CNTN4: variants seen among roughly 807,000 people sequenced by gnomAD.
CNTN4 encodes contactin 4, also known as contactin-4.
A neutral mutation model predicts 122.5 loss-of-function variants in CNTN4; 77 were observed. The ratio of observed to expected loss-of-function variants is 0.63; its 90% CI spans 0.52 to 0.76. The LOEUF is 0.76. Ranked by LOEUF, CNTN4 falls within the 30% of genes least tolerant of loss-of-function variation. The pLI, the probability that CNTN4 is intolerant of heterozygous loss-of-function variation, is 0.00. For missense variants in CNTN4, 1,256 were observed against 1,259.1 expected, an observed-to-expected ratio of 1.00 and a Z score of 0.04; for synonymous variants, 512 against 447.0, an observed-to-expected ratio of 1.15 and a Z score of -1.83.
intron 3 of CNTN4, among the ~76,000 whole-genome samples, chr3:2,511,865 G>C (rs970048244): frequency 2.6e-5 from 4 of 152,058 alleles, no homozygotes; most frequent in African/African-American, 9.7e-5. Flanking sequence ...TTATATAATT[G>C]ATTCATACAA....
intron 7 of CNTN4, among the ~76,000 whole-genome samples, chr3:2,821,284 A>G (rs1459284967): frequency 6.6e-6 from 1 of 152,072 alleles, no homozygotes; most frequent in East Asian, 1.9e-4. Flanking sequence ...AAGATATACA[A>G]TCTAAAGCTA....
At chr3:2,550,186 G>A (rs1290398512) in intron 3 of CNTN4, among the ~76,000 whole-genome samples, 1 of 152,052 alleles carries the variant, frequency 6.6e-6, no homozygotes, top group East Asian at 1.9e-4. Flanking sequence ...GGTTTTTCAT[G>A]TATCTATCTT....
chr3:2,591,352 CTTTTTTTTTTT>C lies in CNTN4; in HGVS notation c.55+19814_55+19824del, dbSNP rs71058629. ...CTTTGAAGAACTAGTAGATTTGTGA[CTTTTTTTTTTT>C]TTTTTTTTTTTTTTTTTTTGAGACG... On this transcript the variant is annotated intron_variant, in intron 4 of 24. Coordinates refer to ENST00000418658, the MANE Select transcript of CNTN4 (RefSeq NM_175607.3). Among the ~76,000 whole-genome samples the C allele has an allele frequency of 3.6e-4, 13 of 36,394 alleles. 1 individual carries two copies. The highest frequency in any genetic ancestry group is 8.7e-4 in the African/African-American group (9 of 10,294). The allele number at this position is 36,394 out of a possible 152,430, so 23.9% of individuals were successfully genotyped here. A position where few individuals can be genotyped will look rare whatever the true frequency, so the allele number is the denominator to read the frequency against.
At chr3:2,578,612 T>C (rs948251698) in intron 4 of CNTN4, among the ~76,000 whole-genome samples, 2 of 152,200 alleles carry the variant, frequency 1.3e-5, no homozygotes, top group Non-Finnish European at 2.9e-5. Context: ...GTAACAAATA[T>C]TCAATTAAGA....
In CNTN4 at chr3:2,620,096, G is replaced by C. The variant is rs144366438; in HGVS notation, c.55+48538G>C. Among the ~76,000 whole-genome samples the C allele has an allele frequency of 1.7e-3, 260 of 152,282 alleles. 2 individuals are homozygous for C. Among genetic ancestry groups the C allele is most frequent in the East Asian group, 1.5e-3 (8 of 5,186 alleles). On this transcript the variant is annotated intron_variant, in intron 4 of 24. Coordinates refer to ENST00000418658, the MANE Select transcript of CNTN4 (RefSeq NM_175607.3). ...CCAGTCATTCATTTGATTATATTAA[G>C]ATTCAATGTTTAAAAGCAGGACAAT... is the stretch of plus-strand genomic sequence containing the variant.
chr3:2,488,943 AG>A (rs1357483842), intron 3 of CNTN4, among the ~76,000 whole-genome samples: 13 of 152,256 alleles, frequency 8.5e-5, no homozygotes, highest in African/African-American at 3.1e-4. Flanking sequence ...ATAGATAAAA[AG>A]GAATGATAAA....
intron 14 of CNTN4, among the ~76,000 whole-genome samples, chr3:3,009,522 C>T (rs1412770849): frequency 7.9e-5 from 12 of 151,112 alleles, no homozygotes; most frequent in African/African-American, 1.9e-4. Flanking sequence ...CAAGCTCCGC[C>T]CCCCGGGTTC....
At chr3:2,120,351 TTATATATATATATATATATATAAA>T (rs1343517731) in intron 2 of CNTN4, among the ~76,000 whole-genome samples, 3 of 45,980 alleles carry the variant, frequency 6.5e-5, no homozygotes, top group South Asian at 5.6e-4. Flanking sequence ...GGCATTTAGG[TTATATATATATATATATATATAAA>T]TATATATATA....
At chr3:2,791,880 G>A (rs777629127) in intron 6 of CNTN4, among the ~76,000 whole-genome samples, 94 of 152,026 alleles carry the variant, frequency 6.2e-4, no homozygotes, top group Non-Finnish European at 1.2e-3. Flanking sequence ...TCTCCTCTGT[G>A]TGTCTGTCTA....
intron 2 of CNTN4, among the ~76,000 whole-genome samples, chr3:2,109,170 G>C (rs764468071): frequency 6.6e-6 from 1 of 152,020 alleles, no homozygotes; most frequent in Non-Finnish European, 1.5e-5. Flanking sequence ...TTCATAGTTC[G>C]GAAAGAGAAA....
At chr3:2,860,692 T>C (rs887045506) in intron 7 of CNTN4, among the ~76,000 whole-genome samples, 2 of 152,224 alleles carry the variant, frequency 1.3e-5, no homozygotes, top group African/African-American at 4.8e-5. Flanking sequence ...GTTCACTGGA[T>C]GACAGCTCAC....
rs1243064898 is a variant in CNTN4 at position 2,679,539 on chromosome 3, A to G, written c.56-56676A>G. Among the ~76,000 whole-genome samples, 3 of 152,210 alleles carry G rather than the reference A, an allele frequency of 2.0e-5. No individual in the cohort carries two copies. The South Asian group carries it at 6.2e-4, about 32-fold the overall frequency. Reference sequence around the variant, plus strand: ...ACATTCGATCCTAAAAAGAATAGCCAGAATAAAGCTATTCTTTAAGAGTCC... The same window carrying G: ...ACATTCGATCCTAAAAAGAATAGCCGGAATAAAGCTATTCTTTAAGAGTCC... On this transcript the variant is annotated intron_variant, in intron 4 of 24. Transcript: ENST00000418658.
chr3:2,538,081 G>A (rs1363565742), intron 3 of CNTN4, among the ~76,000 whole-genome samples: 1 of 152,022 alleles, frequency 6.6e-6, no homozygotes, highest in Non-Finnish European at 1.5e-5. Context: ...AAGTATGGTG[G>A]ATCCCTAATG....
intron 3 of CNTN4, among the ~76,000 whole-genome samples, chr3:2,478,703 G>A (rs909684345): frequency 1.3e-5 from 2 of 152,024 alleles, no homozygotes; most frequent in African/African-American, 4.8e-5. Context: ...CTGTTCCTGC[G>A]TTAGTTTGCT....
intron 4 of CNTN4, among the ~76,000 whole-genome samples, chr3:2,596,868 G>A (rs1270124875): frequency 6.6e-6 from 1 of 152,168 alleles, no homozygotes; most frequent in Non-Finnish European, 1.5e-5. Flanking sequence ...TGAATCTGCA[G>A]TAAACTGGCT....
At chr3:2,763,238 C>G (rs1474670634) in intron 6 of CNTN4, among the ~76,000 whole-genome samples, 1 of 152,188 alleles carries the variant, frequency 6.6e-6, no homozygotes, top group African/African-American at 2.4e-5. Flanking sequence ...AGCCACCACA[C>G]GCAGCTGATG....
In CNTN4 at chr3:2,864,740, C is replaced by CA. The variant is rs56398439; in HGVS notation, c.455-1997dup. 1.8e-3 allele frequency among the ~76,000 whole-genome samples: 100 copies of CA among 54,688 alleles called. 9 individuals carry two copies. Among genetic ancestry groups the CA allele is most frequent in the African/African-American group, 4.6e-3 (62 of 13,340 alleles). 35.9% of individuals were successfully genotyped at this position (54,688 alleles called of 152,430 possible). A position where few individuals can be genotyped will look rare whatever the true frequency, so the allele number is the denominator to read the frequency against. The stretch of plus-strand genomic sequence containing the variant: ...GGCAACAAAAAGCAAAACTCCATCT[C>CA]AAAAAAAAAAAAAAAGTTTCCGGTA... On this transcript the variant is annotated intron_variant, in intron 7 of 24. Coordinates refer to ENST00000418658, the MANE Select transcript of CNTN4 (RefSeq NM_175607.3).
chr3:2,395,096 A>C (rs367738501), intron 3 of CNTN4, among the ~76,000 whole-genome samples: 23 of 152,142 alleles, frequency 1.5e-4, no homozygotes, highest in Non-Finnish European at 3.1e-4. Context: ...CAGAATGTTA[A>C]TAGCTTTATT....
chr3:2,919,206 G>T (rs1482789561), intron 12 of CNTN4, among the ~76,000 whole-genome samples: 2 of 128,518 alleles, frequency 1.6e-5, no homozygotes, highest in Non-Finnish European at 1.7e-5. Flanking sequence ...AAAAAAAATT[G>T]CCAGGTGTGG....
Sources: gnomAD v4.1 joint callset for allele counts (sites outside exome capture counted in the v4.1 genomes callset) on GRCh38, gnomAD v4.1.1 for gene constraint, MANE v1.5 for transcripts, NCBI Gene and HGNC (gene_info 2026-07-23, HGNC 2026-07-21) for gene names.